Variants in ZNF641 observed in about 807,000 individuals in gnomAD.
ZNF641 encodes zinc finger protein 641.
In ZNF641, 26 loss-of-function variants were observed where a neutral mutation model predicts 46.2. The ratio of observed to expected loss-of-function variants is 0.56; its 90% CI spans 0.41 to 0.78. The LOEUF is 0.78. ZNF641 is among the 30% of genes least tolerant of loss of function. The probability of loss-of-function intolerance (pLI) is 0.00; values close to 1 mark genes in which losing one functional copy is unlikely to be tolerated. For synonymous variants in ZNF641, 163 were observed against 187.9 expected (o/e 0.87, Z 1.09); for missense variants, 469 against 517.8 (o/e 0.91, Z 0.91).
Position 48,345,991 on chromosome 12 carries a change from C to T in ZNF641, c.277-517G>A, listed in dbSNP as rs564564225. ...CAATCTTGGCTCACCGCAACCTCCA[C>T]CTCCCAGGTTCAAGCGATTCTCCTG... On this transcript the variant is annotated intron_variant, in intron 3 of 5. Coordinates refer to ENST00000547026, the MANE Select transcript of ZNF641 (RefSeq NM_001172681.2). Among the ~76,000 whole-genome samples the T allele has an allele frequency of 1.3e-3, 194 of 151,882 alleles. No individual in the cohort carries two copies. In the Middle Eastern group the frequency reaches 0.017, roughly 13 times the overall value.
rs773653274 is a variant in ZNF641 at position 48,347,217 on chromosome 12, G to C, written c.276+35C>G. The C allele has an allele frequency of 4.3e-6, 7 of 1,613,484 alleles. No homozygotes were observed. In the African/African-American group the frequency reaches 6.7e-5, roughly 15 times the overall value. ...AAGCAATACAAAGGCAGCAGTGATG[G>C]GACCACAGGAGACGCCAAGGGAAGC... On this transcript the variant is annotated intron_variant, in intron 3 of 5. Coordinates refer to ENST00000547026, the MANE Select transcript of ZNF641 (RefSeq NM_001172681.2).
At chr12:48,346,302 A>G (rs1311071886) in intron 3 of ZNF641, among the ~76,000 whole-genome samples, 1 of 152,142 alleles carries the variant, frequency 6.6e-6, no homozygotes, top group Non-Finnish European at 1.5e-5. Flanking sequence ...CATGACCTAC[A>G]CAAGTGCCTT....
Position 48,341,133 on chromosome 12 carries a change from T to C in ZNF641, c.*1840A>G. 3 of 985,442 alleles carry C rather than the reference T, an allele frequency of 3.0e-6. No individual in the cohort carries two copies. Among genetic ancestry groups the C allele is most frequent in the Non-Finnish European group, 3.6e-6 (3 of 829,948 alleles). The allele number at this position is 985,442 out of a possible 1,614,324, so 61.0% of individuals were successfully genotyped here. A position where few individuals can be genotyped will look rare whatever the true frequency, so the allele number is the denominator to read the frequency against. On this transcript the variant is annotated 3_prime_UTR_variant, in exon 6 of 6. Transcript: ENST00000547026. ...CTTCAATTCTAGTTGAGTCCAGGAC[T>C]CTGAGGAGCTGTGATTCACCCAGTT...
Position 48,350,893 on chromosome 12 carries a change from A to T in ZNF641, c.-133T>A, listed in dbSNP as rs1953017686. The T allele has an allele frequency of 1.0e-6, 1 of 983,766 alleles. No individual in the cohort carries two copies. The highest frequency in any genetic ancestry group is 1.2e-6 in the Non-Finnish European group (1 of 828,722). 60.9% of individuals were successfully genotyped at this position (983,766 alleles called of 1,614,324 possible). Reference sequence around the variant, plus strand: ...GAGCCGGCGGCCGGCGGAGCCAGCGACAGGCGGAGACGGCGGCCCGGCAGG... The same window carrying T: ...GAGCCGGCGGCCGGCGGAGCCAGCGTCAGGCGGAGACGGCGGCCCGGCAGG... On this transcript the variant is annotated 5_prime_UTR_variant, in exon 1 of 6. Transcript: ENST00000547026.
At chr12:48,351,035 AGGG>A (rs1565997507), upstream of ZNF641, 1 of 64,814 alleles carries the variant, frequency 1.5e-5, no homozygotes, top group Non-Finnish European at 3.8e-5. Context: ...GGAGGGAGGG[AGGG>A]AGGGAGGGAC....
In ZNF641 at chr12:48,344,630, C is replaced by T; in HGVS notation, c.489G>A (p.Glu163=). The change falls in exon 5 of 6, where the codon GAG becomes GAA. Residue 163 remains glutamate, a synonymous_variant. Transcript: ENST00000547026. ...EQWVPDPQDL[E]ERDILRVTYT... ...ATGTGACCCTCAGAATGTCCCTCTC[C>T]TCTAAGTCCTGGGGGTCAGGGACCC... 14 of 1,613,518 alleles carry T rather than the reference C, an allele frequency of 8.7e-6. No homozygotes were observed. The highest frequency in any genetic ancestry group is 1.3e-5 in the African/African-American group (1 of 75,018).
chr12:48,345,847 G>A (rs1438757129), intron 3 of ZNF641, among the ~76,000 whole-genome samples: 3 of 151,670 alleles, frequency 2.0e-5, no homozygotes, highest in Non-Finnish European at 4.4e-5. Flanking sequence ...ACTGGACCCT[G>A]CCTTTTCTAT....
chr12:48,347,119 A>G (rs778903257), intron 3 of ZNF641, 133 bp downstream of exon 3: 13 of 1,499,500 alleles, frequency 8.7e-6, no homozygotes, highest in Non-Finnish European at 1.2e-5. Context: ...GGAAAGGGAT[A>G]GAATCTATTC....
upstream of ZNF641, chr12:48,351,153 G>C (rs1279846403): frequency 6.6e-6 from 1 of 152,248 alleles, no homozygotes; most frequent in East Asian, 1.9e-4. Context: ...GAGGGCGGCG[G>C]GCGCCGGAAT....
At chr12:48,350,072 T>C in intron 1 of ZNF641, 4 of 1,614,200 alleles carry the variant, frequency 2.5e-6, no homozygotes, top group Non-Finnish European at 3.4e-6. Flanking sequence ...TTTCCTAAGA[T>C]ATTCACGCAG....
chr12:48,350,147 C>G, intron 1 of ZNF641: 1 of 1,609,490 alleles, frequency 6.2e-7, no homozygotes, highest in Non-Finnish European at 8.5e-7. Context: ...AGGATGATCC[C>G]ATGCCCACTG....
At chr12:48,335,815 A>G (rs1952600446), downstream of ZNF641, among the ~76,000 whole-genome samples, 1 of 152,208 alleles carries the variant, frequency 6.6e-6, no homozygotes, top group Non-Finnish European at 1.5e-5. Context: ...GAATACTAAA[A>G]TGGATAAAAC....
chr12:48,347,091 A>AG lies in ZNF641; in HGVS notation c.276+160dup, dbSNP rs1482810230. 6 of 1,293,228 alleles carry AG rather than the reference A, an allele frequency of 4.6e-6. No individual in the cohort carries two copies. The African/African-American group carries it at 9.1e-5, about 20-fold the overall frequency. 80.1% of individuals were successfully genotyped at this position (1,293,228 alleles called of 1,614,324 possible). On this transcript the variant is annotated intron_variant, in intron 3 of 5. Coordinates refer to ENST00000547026, the MANE Select transcript of ZNF641 (RefSeq NM_001172681.2). The stretch of plus-strand genomic sequence containing the variant: ...TCTTGTAGGTCCATTTAATTTTCCA[A>AG]GGGTCTTATGACCCCTTGGAAAGGG...
chr12:48,343,869 T>A, intron 5 of ZNF641, 142 bp from the exon 6 acceptor site: 1 of 731,672 alleles, frequency 1.4e-6, no homozygotes, highest in Non-Finnish European at 2.1e-6. Flanking sequence ...TCTAATGTCG[T>A]ACAAGACAGT....
rs756001648 is a variant in ZNF641, at chr12:48,343,235, T to C, written c.1013A>G (p.Glu338Gly). The change falls in exon 6 of 6, where the codon GAG becomes GGG. Residue 338 changes from glutamate to glycine, a missense_variant. Glu to Gly is a moderately conservative substitution (Grantham distance 98, BLOSUM62 -2). This residue lies in a region of ZNF641 where 346 missense variants were observed against 354.0 expected (regional missense o/e 0.98). Transcript: ENST00000547026. ...CCTTGTGCCAGGGCTCTCTCCAACC[T>C]CTTGGCCTTTGCAGGATTTGCCTTC... ...HAEGKSCKGQEVGESPGTRKR... is the reference protein window; with the variant it reads ...HAEGKSCKGQGVGESPGTRKR... 6.2e-6 allele frequency: 10 copies of C among 1,614,208 alleles called. No homozygotes were observed. The highest frequency in any genetic ancestry group is 8.5e-6 in the Non-Finnish European group (10 of 1,180,032).
chr12:48,346,204 A>G (rs989306866), intron 3 of ZNF641, among the ~76,000 whole-genome samples: 2 of 152,036 alleles, frequency 1.3e-5, no homozygotes. Context: ...GTGCCTGGCC[A>G]TATCTTTATA....
intron 1 of ZNF641, chr12:48,349,948 G>T: frequency 6.9e-7 from 1 of 1,448,102 alleles, no homozygotes; most frequent in Non-Finnish European, 9.7e-7. Flanking sequence ...AAGCCTCTTT[G>T]TGCAGAGCCC....
intron 1 of ZNF641, chr12:48,350,315 G>C: frequency 1.7e-6 from 2 of 1,178,820 alleles, no homozygotes; most frequent in Non-Finnish European, 2.3e-6. Flanking sequence ...AGTTGGCTCC[G>C]TCCATCAGAG....
chr12:48,336,681 A>G (rs1952607263), downstream of ZNF641, among the ~76,000 whole-genome samples: 1 of 152,154 alleles, frequency 6.6e-6, no homozygotes, highest in Non-Finnish European at 1.5e-5. Flanking sequence ...AATCTCAGGA[A>G]TATCCAGTTA....
Sources: gnomAD v4.1 joint callset for allele counts (sites outside exome capture counted in the v4.1 genomes callset) on GRCh38, gnomAD v4.1.1 for gene constraint, gnomAD v4.1.1 regional missense constraint, MANE v1.5 for transcripts, NCBI Gene and HGNC (gene_info 2026-07-23, HGNC 2026-07-21) for gene names.